The following ST3GAL3 variants were observed in gnomAD, a reference collection of about 807,000 sequenced individuals.
ST3GAL3 encodes ST3 beta-galactoside alpha-2,3-sialyltransferase 3, also known as CMP-N-acetylneuraminate-beta-1,4-galactoside alpha-2,3-sialyltransferase.
Under a neutral mutation model 50.1 loss-of-function variants are expected in ST3GAL3, and 21 were observed. The ratio of observed to expected loss-of-function variants is 0.42; its 90% CI spans 0.30 to 0.60. ST3GAL3 has a LOEUF of 0.60. ST3GAL3 is among the 20% of genes least tolerant of loss of function. The probability of loss-of-function intolerance (pLI) is 0.19; values close to 1 mark genes in which losing one functional copy is unlikely to be tolerated. For synonymous variants in ST3GAL3, 183 were observed against 190.0 expected (o/e 0.96, Z 0.30); for missense variants, 353 against 489.4 (o/e 0.72, Z 2.63).
chr1:43,794,818 G>C (rs892224346), intron 3 of ST3GAL3, among the ~76,000 whole-genome samples: 4 of 152,116 alleles, frequency 2.6e-5, no homozygotes, highest in African/African-American at 9.7e-5. Flanking sequence ...AGACAAAACA[G>C]TACATACTGT....
At chr1:43,736,976 C>T (rs1678771878) in intron 2 of ST3GAL3, 1 of 198,592 alleles carries the variant, frequency 5.0e-6, no homozygotes, top group African/African-American at 2.4e-5. Context: ...TAGTGTTTTC[C>T]ACATAGCCTG....
At chr1:43,779,342 C>A (rs770240676) in intron 2 of ST3GAL3, among the ~76,000 whole-genome samples, 6 of 152,156 alleles carry the variant, frequency 3.9e-5, no homozygotes, top group Non-Finnish European at 8.8e-5. Context: ...CAGTCCTATC[C>A]TTATAGGCTG....
intron 2 of ST3GAL3, among the ~76,000 whole-genome samples, chr1:43,757,229 C>T (rs1688467169): frequency 6.6e-6 from 1 of 152,078 alleles, no homozygotes. Flanking sequence ...AAATGCAGCA[C>T]ATTCTCTCAA....
intron 2 of ST3GAL3, among the ~76,000 whole-genome samples, chr1:43,764,515 G>C (rs1052478193): frequency 2.0e-5 from 3 of 152,144 alleles, no homozygotes; most frequent in African/African-American, 7.2e-5. Context: ...TTAGGGAGTG[G>C]TTATGGAATC....
chr1:43,821,861 C>T (rs531498223), intron 4 of ST3GAL3, among the ~76,000 whole-genome samples: 2 of 152,328 alleles, frequency 1.3e-5, no homozygotes, highest in African/African-American at 4.8e-5. Flanking sequence ...AAAGTGGATA[C>T]TCCCTCATTC....
At chr1:43,857,586 CCCTTCCTTCCTTCCTTCCTT>C (rs1178598580) in intron 5 of ST3GAL3, among the ~76,000 whole-genome samples, 8 of 86,040 alleles carry the variant, frequency 9.3e-5, no homozygotes, top group Admixed American at 2.5e-4. Flanking sequence ...CTTCCTCCCT[CCCTTCCTTCCTTCCTTCCTT>C]CCTTCCTTCC....
intron 5 of ST3GAL3, among the ~76,000 whole-genome samples, chr1:43,865,511 A>T (rs964047439): frequency 1.3e-5 from 2 of 152,148 alleles, no homozygotes; most frequent in African/African-American, 4.8e-5. Flanking sequence ...GCATTTCCAT[A>T]TATTTGGCAC....
chr1:43,846,285 G>A (rs1317327752), intron 5 of ST3GAL3, among the ~76,000 whole-genome samples: 3 of 152,230 alleles, frequency 2.0e-5, no homozygotes, highest in Admixed American at 6.5e-5. Flanking sequence ...CATTTGGTGT[G>A]TATACACTTA....
At chr1:43,720,106 G>C (rs994759231) in intron 1 of ST3GAL3, among the ~76,000 whole-genome samples, 1 of 152,126 alleles carries the variant, frequency 6.6e-6, no homozygotes, top group Non-Finnish European at 1.5e-5. Flanking sequence ...GGCTAGGCAT[G>C]TAGTCCCAGC....
intron 5 of ST3GAL3, among the ~76,000 whole-genome samples, chr1:43,870,601 C>A (rs2072454023): frequency 8.1e-6 from 1 of 123,640 alleles, no homozygotes; most frequent in African/African-American, 3.1e-5. Flanking sequence ...GGGGTTGGAA[C>A]TGGAGATGGA....
chr1:43,899,002 G>T lies in ST3GAL3; in HGVS notation c.462-166G>T. The T allele has an allele frequency of 1.2e-6, 1 of 846,652 alleles. No individual in the cohort carries two copies. The highest frequency in any genetic ancestry group is 1.8e-6 in the Non-Finnish European group (1 of 541,982). 52.4% of individuals were successfully genotyped at this position (846,652 alleles called of 1,614,324 possible). A position where few individuals can be genotyped will look rare whatever the true frequency, so the allele number is the denominator to read the frequency against. ...GAGTCTCAGGGCCCAGCTACCCATT[G>T]TATGGTTCAGGCCTTCTCTCAGAAA... On this transcript the variant is annotated intron_variant, in intron 7 of 11. Coordinates refer to ENST00000347631, the MANE Select transcript of ST3GAL3 (RefSeq NM_006279.5). The surrounding 1 kb of genome is among the most constrained non-coding windows in gnomAD (Gnocchi z 5.4).
In ST3GAL3 at chr1:43,863,983, GA is replaced by G. The variant is rs1419601704; in HGVS notation, c.302+25675del. 7.6e-5 allele frequency among the ~76,000 whole-genome samples: 3 copies of G among 39,732 alleles called. No homozygotes were observed. In the East Asian group the frequency reaches 3.5e-3, roughly 46 times the overall value. 26.1% of individuals were successfully genotyped at this position (39,732 alleles called of 152,430 possible). ...AGGTCTAGGGGAGAGTGACAGATAA[GA>G]AACTTGAGTGGGGGCCGGGCGTGGT... On this transcript the variant is annotated intron_variant, in intron 5 of 11. Transcript: ENST00000347631.
At chr1:43,790,681 G>T (rs1329644954) in intron 2 of ST3GAL3, among the ~76,000 whole-genome samples, 1 of 149,758 alleles carries the variant, frequency 6.7e-6, no homozygotes, top group Non-Finnish European at 1.5e-5. Context: ...CACCAGGCTG[G>T]AGTCCAGTGG....
In ST3GAL3 at chr1:43,887,800, A is replaced by T. The variant is rs200789881; in HGVS notation, c.303-6583A>T. ...GGTGAGGATGATGTTGGGGAAAGTTATGGTGCTGGCTGTGATTGTTAGAAA... is the reference window on the plus strand; with the variant it reads ...GGTGAGGATGATGTTGGGGAAAGTTTTGGTGCTGGCTGTGATTGTTAGAAA... On this transcript the variant is annotated intron_variant, in intron 5 of 11. Coordinates refer to ENST00000347631, the MANE Select transcript of ST3GAL3 (RefSeq NM_006279.5). Among the ~76,000 whole-genome samples, 14 of 152,178 alleles carry T rather than the reference A, an allele frequency of 9.2e-5. No individual in the cohort carries two copies. In the East Asian group the frequency reaches 1.9e-3, roughly 21 times the overall value.
At chr1:43,908,288 G>A (rs888950366) in intron 9 of ST3GAL3, among the ~76,000 whole-genome samples, 9 of 152,016 alleles carry the variant, frequency 5.9e-5, no homozygotes, top group African/African-American at 2.2e-4. Flanking sequence ...CCTTCTCTAT[G>A]TCTGTATTCT....
At chr1:43,889,818 TA>T (rs1225618903) in intron 5 of ST3GAL3, among the ~76,000 whole-genome samples, 12 of 152,180 alleles carry the variant, frequency 7.9e-5, no homozygotes, top group Admixed American at 7.2e-4. Context: ...AAAGCTGTTT[TA>T]AAAAAGAAAA....
At chr1:43,859,709 T>G (rs928701114) in intron 5 of ST3GAL3, among the ~76,000 whole-genome samples, 1 of 152,228 alleles carries the variant, frequency 6.6e-6, no homozygotes, top group African/African-American at 2.4e-5. Flanking sequence ...ATGGAGCAAG[T>G]CCTCCAAATG....
intron 5 of ST3GAL3, among the ~76,000 whole-genome samples, chr1:43,865,962 T>C (rs1210775274): frequency 6.6e-6 from 1 of 152,234 alleles, no homozygotes; most frequent in Non-Finnish European, 1.5e-5. Flanking sequence ...TTAAGATACG[T>C]GGTCTGTGGA....
chr1:43,751,153 T>TAA (rs1685912496), intron 2 of ST3GAL3, among the ~76,000 whole-genome samples: 1 of 152,200 alleles, frequency 6.6e-6, no homozygotes, highest in Admixed American at 6.5e-5. Context: ...TCACTGTTTT[T>TAA]TAAAGAAATA....
Sources: allele counts gnomAD v4.1 joint callset (sites outside exome capture counted in the v4.1 genomes callset), GRCh38; gene constraint gnomAD v4.1.1; non-coding constraint Gnocchi (gnomAD v3.1); transcripts MANE v1.5; gene names NCBI Gene and HGNC (gene_info 2026-07-23, HGNC 2026-07-21).